PDS5B: variants seen among roughly 807,000 people sequenced by gnomAD.
The protein encoded by PDS5B is sister chromatid cohesion protein PDS5 homolog B.
A neutral mutation model predicts 184.1 loss-of-function variants in PDS5B; 51 were observed. The ratio of observed to expected loss-of-function variants is 0.28; its 90% confidence interval spans 0.22 to 0.35. PDS5B has a LOEUF of 0.35. Ranked by LOEUF, PDS5B falls within the 10% of genes least tolerant of loss-of-function variation. The pLI is 1.00. For synonymous variants in PDS5B, 566 were observed against 569.2 expected (o/e 0.99, Z 0.08); for missense variants, 1,180 against 1,723.3 (o/e 0.68, Z 5.58).
At chr13:32,707,667 C>T (rs1246271656) in intron 18 of PDS5B, among the ~76,000 whole-genome samples, 1 of 136,976 alleles carries the variant, frequency 7.3e-6, no homozygotes, top group Non-Finnish European at 1.5e-5. Context: ...AGCTGTCTGC[C>T]TTTGACCACA....
chr13:32,733,451 A>G (rs563861096), intron 20 of PDS5B, among the ~76,000 whole-genome samples: 60 of 152,318 alleles, frequency 3.9e-4, no homozygotes, highest in Non-Finnish European at 7.1e-4. Context: ...ACACTATGAT[A>G]TTTTTGTTTA....
At chr13:32,748,516 ACTT>A (rs1203198770) in intron 24 of PDS5B, among the ~76,000 whole-genome samples, 1 of 151,110 alleles carries the variant, frequency 6.6e-6, no homozygotes, top group East Asian at 1.9e-4. Flanking sequence ...TCTAGGATCA[ACTT>A]CTTCACTTAC....
chr13:32,716,948 C>A (rs1426175215), intron 19 of PDS5B, among the ~76,000 whole-genome samples: 1 of 109,718 alleles, frequency 9.1e-6, no homozygotes, highest in African/African-American at 3.5e-5. Context: ...CCCGGCCAGC[C>A]ACCCCGTCCG....
intron 1 of PDS5B, among the ~76,000 whole-genome samples, chr13:32,629,664 A>C (rs1367335318): frequency 3.9e-5 from 6 of 152,050 alleles, no homozygotes; most frequent in Non-Finnish European, 8.8e-5. Flanking sequence ...CCTTTGATTT[A>C]TTGGTTTTGT....
chr13:32,732,016 C>A (rs1217661315), intron 19 of PDS5B, 85 bp from the exon 20 acceptor site: 2 of 1,161,744 alleles, frequency 1.7e-6, no homozygotes, highest in Non-Finnish European at 2.4e-6. Flanking sequence ...TAAATCATTA[C>A]TTAAAAATAC....
At position 32,615,803 on chromosome 13, in the gene PDS5B, A is replaced by G. The variant is rs555887122; in HGVS notation, c.-20+29210A>G. 3.1e-4 allele frequency among the ~76,000 whole-genome samples: 47 copies of G among 152,320 alleles called. 1 individual carries two copies. In the South Asian group the frequency reaches 9.1e-3, roughly 30 times the overall value. On this transcript the variant is annotated intron_variant, in intron 1 of 34. Transcript: ENST00000315596. ...GAAATATAAATCATAGAAAGTACAT[A>G]TAAGTAACTTATATAGTCCCTGGCA...
chr13:32,735,375 T>C (rs756473002), intron 21 of PDS5B, 45 bp downstream of exon 21: 5 of 1,400,344 alleles, frequency 3.6e-6, no homozygotes, highest in Admixed American at 4.1e-5. Flanking sequence ...ATGTTAACTT[T>C]TGCAATTTTA....
intron 1 of PDS5B, among the ~76,000 whole-genome samples, chr13:32,595,093 T>A (rs2057839322): frequency 6.6e-6 from 1 of 152,122 alleles, no homozygotes; most frequent in Admixed American, 6.6e-5. Context: ...GTACAATATA[T>A]CCCAAACTGA....
intron 13 of PDS5B, among the ~76,000 whole-genome samples, chr13:32,693,908 T>G (rs933524902): frequency 6.6e-6 from 1 of 151,728 alleles, no homozygotes; most frequent in African/African-American, 2.4e-5. Flanking sequence ...ATTCTTCTTT[T>G]TATGTTTTTG....
At chr13:32,702,877 A>G (rs1951902116) in intron 17 of PDS5B, among the ~76,000 whole-genome samples, 1 of 152,202 alleles carries the variant, frequency 6.6e-6, no homozygotes, top group African/African-American at 2.4e-5. Context: ...GGAGGAGGGA[A>G]GTAGAAGAGA....
chr13:32,667,928 A>G, intron 7 of PDS5B, 84 bp downstream of exon 7: 3 of 641,780 alleles, frequency 4.7e-6, no homozygotes, highest in Non-Finnish European at 7.8e-6. Flanking sequence ...ATCAGATAGT[A>G]TATAGTTTTA....
At chr13:32,657,500 C>T (rs566323385) in intron 3 of PDS5B, among the ~76,000 whole-genome samples, 9 of 152,244 alleles carry the variant, frequency 5.9e-5, no homozygotes, top group South Asian at 2.1e-4. Context: ...ACAGTTGGGC[C>T]TTGCTTCTTT....
intron 22 of PDS5B, among the ~76,000 whole-genome samples, 191 bp downstream of exon 22, chr13:32,741,339 C>T (rs1472682833): frequency 6.6e-6 from 1 of 152,006 alleles, no homozygotes; most frequent in East Asian, 1.9e-4. Flanking sequence ...GACAGCTGCA[C>T]ATAATCTAAT....
In PDS5B at chr13:32,600,332, ACAT is replaced by A. The variant is rs762978146; in HGVS notation, c.-20+13743_-20+13745del. On this transcript the variant is annotated intron_variant, in intron 1 of 34. Coordinates refer to ENST00000315596, the MANE Select transcript of PDS5B (RefSeq NM_015032.4). ...ATTTTTGTTGTAGAGTGGATATGAT[ACAT>A]CATATCTCTAAACTCTTTTTATCTT... Among the ~76,000 whole-genome samples, 11 of 152,356 alleles carry A rather than the reference ACAT, an allele frequency of 7.2e-5. No individual in the cohort carries two copies. In the East Asian group the frequency reaches 1.5e-3, roughly 21 times the overall value.
At position 32,777,996 on chromosome 13, in the gene PDS5B, A is replaced by C. The variant is rs1045104552; in HGVS notation, c.*2944A>C. On this transcript the variant is annotated 3_prime_UTR_variant, in exon 35 of 35. Coordinates refer to ENST00000315596, the MANE Select transcript of PDS5B (RefSeq NM_015032.4). The stretch of plus-strand genomic sequence containing the variant: ...TCAGACACATTTTTGGATTTCTGTG[A>C]AGTTGAATAAACATAAAAGCTAATA... The C allele has an allele frequency of 2.0e-5, 3 of 152,454 alleles. No individual in the cohort carries two copies. The highest frequency in any genetic ancestry group is 7.2e-5 in the African/African-American group (3 of 41,444). The allele number at this position is 152,454 out of a possible 1,614,324, so 9.4% of individuals were successfully genotyped here.
chr13:32,738,328 C>T (rs1953412573), intron 21 of PDS5B, among the ~76,000 whole-genome samples: 1 of 151,992 alleles, frequency 6.6e-6, no homozygotes, highest in Non-Finnish European at 1.5e-5. Flanking sequence ...ACTTATTTTT[C>T]TATTAAGAAA....
chr13:32,730,265 A>C lies in PDS5B; in HGVS notation c.2124-1836A>C, dbSNP rs994474356. On this transcript the variant is annotated intron_variant, in intron 19 of 34. Transcript: ENST00000315596. ...AAGATCAGATGGTTGTAGATGTGTA[A>C]TGTTATTTCTGTGGCCTCTGTTCTG... is the stretch of plus-strand genomic sequence containing the variant. Among the ~76,000 whole-genome samples, 6 of 151,916 alleles carry C rather than the reference A, an allele frequency of 3.9e-5. No homozygotes were observed. The East Asian group carries it at 1.2e-3, about 29-fold the overall frequency.
At chr13:32,760,137 A>G (rs1954327075) in intron 29 of PDS5B, among the ~76,000 whole-genome samples, 1 of 152,114 alleles carries the variant, frequency 6.6e-6, no homozygotes, top group South Asian at 2.1e-4. Context: ...TTGTATTTTT[A>G]GTAGAGACGG....
intron 11 of PDS5B, among the ~76,000 whole-genome samples, chr13:32,686,112 T>TAATAA (rs1200194727): frequency 6.6e-6 from 1 of 152,164 alleles, no homozygotes; most frequent in Non-Finnish European, 1.5e-5. Flanking sequence ...AGGAAAAAAT[T>TAATAA]AATAATCTCT....
Sources: gnomAD v4.1 joint callset for allele counts (sites outside exome capture counted in the v4.1 genomes callset) on GRCh38, gnomAD v4.1.1 for gene constraint, MANE v1.5 for transcripts, NCBI Gene and HGNC (gene_info 2026-07-23, HGNC 2026-07-21) for gene names.